The following ENTR1 variants were observed in gnomAD, a reference collection of about 807,000 sequenced individuals.
ENTR1 encodes endosome associated trafficking regulator 1.
Under a neutral mutation model 47.9 loss-of-function variants are expected in ENTR1, and 47 were observed. That is an observed-to-expected ratio of 0.98 (90% CI 0.78 to 1.25). ENTR1 has a LOEUF of 1.25. ENTR1 is among the 50% of genes most tolerant of loss of function. ENTR1 has a pLI of 0.00. For synonymous variants in ENTR1, 290 were observed against 245.8 expected (o/e 1.18, Z -1.68); for missense variants, 668 against 570.5 (o/e 1.17, Z -1.74).
intron 3 of ENTR1, 115 bp downstream of exon 3, chr9:136,408,884 G>C: frequency 2.8e-6 from 2 of 714,050 alleles, no homozygotes; most frequent in Non-Finnish European, 2.5e-6. Context: ...ACCCCCACCT[G>C]CTCTTTTGGG....
chr9:136,410,536 T>C lies in ENTR1; in HGVS notation c.-139A>G. ...CCCGCCGCTCGGCCGCCCCCGCGCCTCCGAGCCTCTCGCCGCTGCTTCCGC... is the reference window on the plus strand; with the variant it reads ...CCCGCCGCTCGGCCGCCCCCGCGCCCCCGAGCCTCTCGCCGCTGCTTCCGC... On this transcript the variant is annotated 5_prime_UTR_variant, in exon 1 of 10. Coordinates refer to ENST00000357365, the MANE Select transcript of ENTR1 (RefSeq NM_001039707.2). 2.8e-6 allele frequency: 3 copies of C among 1,083,154 alleles called. No individual in the cohort carries two copies. Among genetic ancestry groups the C allele is most frequent in the Non-Finnish European group, 3.5e-6 (3 of 862,538 alleles). The allele number at this position is 1,083,154 out of a possible 1,614,324, so 67.1% of individuals were successfully genotyped here. A position where few individuals can be genotyped will look rare whatever the true frequency, so the allele number is the denominator to read the frequency against.
intron 3 of ENTR1, among the ~76,000 whole-genome samples, chr9:136,408,448 A>G (rs10870136): frequency 0.43 from 65,102 of 150,364 alleles, 14,558 homozygotes; most frequent in Admixed American, 0.54. Context: ...CGTGGTGGTG[A>G]GCGCCTGTAG....
intron 3 of ENTR1, 102 bp downstream of exon 3, chr9:136,408,897 C>A: frequency 4.7e-6 from 4 of 855,778 alleles, no homozygotes; most frequent in Non-Finnish European, 5.8e-6. Context: ...CTTTTGGGCT[C>A]CAGCTACACC....
intron 9 of ENTR1, 98 bp from the exon 10 acceptor site, chr9:136,402,985 G>A: frequency 1.3e-6 from 1 of 755,074 alleles, no homozygotes; most frequent in Non-Finnish European, 2.1e-6. Flanking sequence ...GGGGGAAAAA[G>A]GGAGGGGTTC....
Position 136,405,970 on chromosome 9 carries a change from A to G in ENTR1, c.828T>C (p.Asp276=). ...TLQISYDALK[D]ENSKLRRKLN... Reference sequence around the variant, plus strand: ...GCTTTCTTCTCAGCTTAGAATTTTCATCTTTCAGCTGTGGAGAGAGAACAT... The same window carrying G: ...GCTTTCTTCTCAGCTTAGAATTTTCGTCTTTCAGCTGTGGAGAGAGAACAT... Residue 276 remains aspartate, a synonymous_variant, in exon 6 of 10, where the codon GAT becomes GAC. Coordinates refer to ENST00000357365, the MANE Select transcript of ENTR1 (RefSeq NM_001039707.2). 6.2e-7 allele frequency: 1 copy of G among 1,608,752 alleles called. No homozygotes were observed. Among genetic ancestry groups the G allele is most frequent in the Non-Finnish European group, 8.5e-7 (1 of 1,177,822 alleles).
chr9:136,409,564 C>T (rs11145930), intron 2 of ENTR1, among the ~76,000 whole-genome samples: 50,170 of 151,894 alleles, frequency 0.33, 8,597 homozygotes, highest in African/African-American at 0.4. Context: ...CCCTGGTGTC[C>T]GTGGTCTGAA....
chr9:136,402,693 G>A lies in ENTR1; in HGVS notation c.*95C>T, dbSNP rs1207209179. 3.7e-6 allele frequency: 3 copies of A among 818,564 alleles called. No homozygotes were observed. The highest frequency in any genetic ancestry group is 4.1e-6 in the Non-Finnish European group (2 of 491,302). 50.7% of individuals were successfully genotyped at this position (818,564 alleles called of 1,614,324 possible). A position where few individuals can be genotyped will look rare whatever the true frequency, so the allele number is the denominator to read the frequency against. ...CGATCAACACTTTACTCTGGGTGAA[G>A]ACTGCATATTTAAGGACACAACTGC... On this transcript the variant is annotated 3_prime_UTR_variant, in exon 10 of 10. Coordinates refer to ENST00000357365, the MANE Select transcript of ENTR1 (RefSeq NM_001039707.2).
At position 136,410,190 on chromosome 9, in the gene ENTR1, C is replaced by T. The variant is rs1175126656; in HGVS notation, c.120G>A (p.Glu40=). The change falls in exon 2 of 10, where the codon GAG becomes GAA. Residue 40 remains glutamate (E), a synonymous_variant. Coordinates refer to ENST00000357365, the MANE Select transcript of ENTR1 (RefSeq NM_001039707.2). ...AGTCCAGGTCCCTGCCATGGGGGCG[C>T]TCACAATTTAGCTGGGGGAGACAAG... ...RRSCLPQLNC[E]RPHGRDLDSP... 3.1e-6 allele frequency: 5 copies of T among 1,605,860 alleles called. No homozygotes were observed. The African/African-American group carries it at 6.7e-5, about 21-fold the overall frequency.
intron 3 of ENTR1, 137 bp downstream of exon 3, chr9:136,408,862 C>A (rs80145180): frequency 0.029 from 18,989 of 656,812 alleles, 474 homozygotes; most frequent in East Asian, 0.075. Context: ...AAGACTGAAC[C>A]CTTGAAATCC....
rs946329711 is a variant in ENTR1 at position 136,404,815 on chromosome 9, C to T, written c.1006-122G>A. ...ACCTGGCTGTGGCCCTTCACAGCCC[C>T]TGTGCCCCTCCCAGTCCCGCCTCCA... On this transcript the variant is annotated intron_variant, in intron 7 of 9. Coordinates refer to ENST00000357365, the MANE Select transcript of ENTR1 (RefSeq NM_001039707.2). The T allele has an allele frequency of 1.1e-5, 10 of 938,842 alleles. No homozygotes were observed. In the African/African-American group the frequency reaches 1.6e-4, roughly 15 times the overall value. The allele number at this position is 938,842 out of a possible 1,614,324, so 58.2% of individuals were successfully genotyped here.
chr9:136,405,261 A>G (rs1243563062), intron 6 of ENTR1, 59 bp from the exon 7 acceptor site: 2 of 1,339,368 alleles, frequency 1.5e-6, no homozygotes, highest in African/African-American at 1.4e-5. Flanking sequence ...AGGACTACAA[A>G]AAGATACCTC....
Position 136,404,181 on chromosome 9 carries a change from T to C in ENTR1, c.1082A>G (p.Asn361Ser), listed in dbSNP as rs373615820. The change falls in exon 9 of 10, where the codon AAC (asparagine) becomes AGC (serine). Residue 361 changes from asparagine to serine, a missense_variant. Asn to Ser is a conservative substitution (Grantham distance 46). Coordinates refer to ENST00000357365, the MANE Select transcript of ENTR1 (RefSeq NM_001039707.2). Reference sequence around the variant, plus strand: ...CAGGGCTTCATTCTCTCGCTGGAAGTTGGAGACCTGCGCCTGGGGGGACGG... The same window carrying C: ...CAGGGCTTCATTCTCTCGCTGGAAGCTGGAGACCTGCGCCTGGGGGGACGG... ...EISLLQAQVS[N>S]FQRENEALRC... The C allele has an allele frequency of 1.4e-5, 22 of 1,608,810 alleles. No individual in the cohort carries two copies. The East Asian group carries it at 2.0e-4, about 15-fold the overall frequency.
At chr9:136,403,068 G>A (rs1319246705) in intron 9 of ENTR1, among the ~76,000 whole-genome samples, 181 bp from the exon 10 acceptor site, 1 of 75,766 alleles carries the variant, frequency 1.3e-5, no homozygotes, top group African/African-American at 5.5e-5. Context: ...AATGGGGAGG[G>A]TTTCCACAGG....
intron 5 of ENTR1, 138 bp downstream of exon 5, chr9:136,407,007 G>C: frequency 1.2e-6 from 1 of 803,716 alleles, no homozygotes; most frequent in Middle Eastern, 3.8e-4. Flanking sequence ...AGGGAAAGTG[G>C]ATAGCAGGCT....
chr9:136,403,705 A>T (rs1834622574), intron 9 of ENTR1, among the ~76,000 whole-genome samples: 1 of 152,050 alleles, frequency 6.6e-6, no homozygotes, highest in South Asian at 2.1e-4. Flanking sequence ...GCACAGCAGT[A>T]AGGGCCTTCT....
At chr9:136,408,945 G>A (rs1834922819) in intron 3 of ENTR1, 54 bp downstream of exon 3, 1 of 1,451,406 alleles carries the variant, frequency 6.9e-7, no homozygotes, top group African/African-American at 1.4e-5. Context: ...CCAGACACGT[G>A]CCTGGCACTG....
chr9:136,403,285 C>G (rs185472680), intron 9 of ENTR1, among the ~76,000 whole-genome samples: 5 of 72,872 alleles, frequency 6.9e-5, no homozygotes, highest in African/African-American at 1.7e-4. Flanking sequence ...GGGGGAGAAA[C>G]AGAAGGGGTC....
rs745399054 is a variant in ENTR1 at position 136,405,065 on chromosome 9, G to A, written c.1005+26C>T. 61 of 1,581,102 alleles carry A rather than the reference G, an allele frequency of 3.9e-5. No individual in the cohort carries two copies. In the African/African-American group the frequency reaches 6.2e-4, roughly 16 times the overall value. On this transcript the variant is annotated intron_variant, in intron 7 of 9. Transcript: ENST00000357365. The stretch of plus-strand genomic sequence containing the variant: ...GGAGCGCTCCTGCCCCACCCAGCTC[G>A]TCCGATTCAGAGAAGAAACCCATAC...
intron 8 of ENTR1, 48 bp from the exon 9 acceptor site, chr9:136,404,242 G>T: frequency 6.4e-7 from 1 of 1,552,688 alleles, no homozygotes; most frequent in Non-Finnish European, 8.7e-7. Flanking sequence ...GAGGCAACCC[G>T]GCTGAAAGTC....
Sources: allele counts gnomAD v4.1 joint callset (sites outside exome capture counted in the v4.1 genomes callset), GRCh38; gene constraint gnomAD v4.1.1; transcripts MANE v1.5; gene names NCBI Gene and HGNC (gene_info 2026-07-23, HGNC 2026-07-21).